Variants in CIMIP7 observed in about 807,000 individuals in gnomAD.
CIMIP7 encodes the protein ciliary microtubule inner protein 7.
At chr3:49,190,497 A>ATTT in the CIMIP7 span, among the ~76,000 whole-genome samples, 1 of 139,318 alleles carries the variant, frequency 7.2e-6, no homozygotes, top group Non-Finnish European at 1.6e-5. Context: ...TCTCTCCACA[A>ATTT]TTTTTTTTTT....
the CIMIP7 span, among the ~76,000 whole-genome samples, chr3:49,180,640 C>T: frequency 1.3e-5 from 2 of 149,956 alleles, no homozygotes; most frequent in African/African-American, 2.4e-5. Context: ...TTTAAGAGTT[C>T]CCTTTTTAGG....
the CIMIP7 span, chr3:49,177,681 G>A: frequency 6.2e-7 from 1 of 1,608,046 alleles, no homozygotes; most frequent in Admixed American, 1.7e-5. Flanking sequence ...GACACTCAGA[G>A]ACCCCAGCAT....
the CIMIP7 span, among the ~76,000 whole-genome samples, chr3:49,182,304 G>C: frequency 6.6e-6 from 1 of 152,172 alleles, no homozygotes; most frequent in Non-Finnish European, 1.5e-5. Flanking sequence ...TGTTTTGACA[G>C]GGCACTGATT....
the CIMIP7 span, among the ~76,000 whole-genome samples, chr3:49,179,180 A>T: frequency 6.6e-6 from 1 of 151,934 alleles, no homozygotes; most frequent in Non-Finnish European, 1.5e-5. Flanking sequence ...CTCATACCCC[A>T]CATTGAATAT....
the CIMIP7 span, among the ~76,000 whole-genome samples, chr3:49,180,135 G>T: frequency 6.6e-6 from 1 of 152,186 alleles, no homozygotes; most frequent in Non-Finnish European, 1.5e-5. Context: ...AATTAGCTGG[G>T]TGTGATGGTG....
the CIMIP7 span, chr3:49,178,186 C>T: frequency 1.2e-6 from 1 of 830,400 alleles, no homozygotes; most frequent in Non-Finnish European, 1.8e-6. Context: ...GCCTCCTTGG[C>T]CTGCCTCCCC....
the CIMIP7 span, among the ~76,000 whole-genome samples, chr3:49,183,318 T>C: frequency 6.6e-6 from 1 of 152,246 alleles, no homozygotes; most frequent in Non-Finnish European, 1.5e-5. Flanking sequence ...AACCAGATCA[T>C]TCATGCATTG....
chr3:49,190,881 C>G, the CIMIP7 span, among the ~76,000 whole-genome samples: 2 of 151,958 alleles, frequency 1.3e-5, no homozygotes, highest in Non-Finnish European at 2.9e-5. Context: ...GTTGGCCAGG[C>G]TGGTCTCGAA....
chr3:49,191,821 G>T, the CIMIP7 span: 1 of 1,524,878 alleles, frequency 6.6e-7, no homozygotes, highest in Non-Finnish European at 8.8e-7. Flanking sequence ...GTCTTTTGGA[G>T]GGTATCTTCA....
the CIMIP7 span, among the ~76,000 whole-genome samples, chr3:49,179,680 A>C: frequency 6.6e-6 from 1 of 152,154 alleles, no homozygotes; most frequent in South Asian, 2.1e-4. Context: ...TCACCTGCTA[A>C]CATACTATAT....
the CIMIP7 span, among the ~76,000 whole-genome samples, chr3:49,182,321 T>C: frequency 6.6e-6 from 1 of 152,140 alleles, no homozygotes; most frequent in Admixed American, 6.5e-5. Flanking sequence ...GATTGGTGCG[T>C]TTACAATCCC....
chr3:49,182,656 G>A, the CIMIP7 span, among the ~76,000 whole-genome samples: 12 of 152,340 alleles, frequency 7.9e-5, no homozygotes, highest in South Asian at 8.3e-4. Context: ...GTCCCGCGCC[G>A]TGTGCCCACA....
chr3:49,191,429 C>A, the CIMIP7 span, among the ~76,000 whole-genome samples: 6 of 152,200 alleles, frequency 3.9e-5, no homozygotes, highest in Non-Finnish European at 2.9e-5. Context: ...AAAATGTTCC[C>A]AGACTAGAGA....
the CIMIP7 span, among the ~76,000 whole-genome samples, chr3:49,190,436 C>T: frequency 6.6e-6 from 1 of 151,550 alleles, no homozygotes; most frequent in Non-Finnish European, 1.5e-5. Flanking sequence ...GGCCACTGAT[C>T]AGGGGTGTGG....
the CIMIP7 span, among the ~76,000 whole-genome samples, chr3:49,190,663 ATTTTTTT>A: frequency 6.7e-3 from 666 of 99,970 alleles, 4 homozygotes; most frequent in African/African-American, 0.026. Context: ...GCCAGGCTGA[ATTTTTTT>A]TTTTTTTTTT....
At chr3:49,181,797 T>C in the CIMIP7 span, among the ~76,000 whole-genome samples, 1 of 152,072 alleles carries the variant, frequency 6.6e-6, no homozygotes. Flanking sequence ...CACATGAAAA[T>C]GTGTCCGGAA....
At chr3:49,178,271 A>G in the CIMIP7 span, among the ~76,000 whole-genome samples, 2 of 152,198 alleles carry the variant, frequency 1.3e-5, no homozygotes, top group Non-Finnish European at 2.9e-5. Flanking sequence ...TTGTCTGGCA[A>G]GTTGGCAGAG....
chr3:49,180,229 T>C, the CIMIP7 span, among the ~76,000 whole-genome samples: 1 of 152,246 alleles, frequency 6.6e-6, no homozygotes, highest in African/African-American at 2.4e-5. Flanking sequence ...TGAGCTAAGA[T>C]TGAGCCACTG....
the CIMIP7 span, among the ~76,000 whole-genome samples, chr3:49,179,777 C>T: frequency 6.6e-6 from 1 of 152,238 alleles, no homozygotes; most frequent in Non-Finnish European, 1.5e-5. Flanking sequence ...GGCGGTCTGT[C>T]TTGCTCACAT....
Sources: gnomAD v4.1 joint callset for allele counts (sites outside exome capture counted in the v4.1 genomes callset) on GRCh38, gnomAD v4.1.1 for gene constraint, MANE v1.5 for transcripts, NCBI Gene and HGNC (gene_info 2026-07-23, HGNC 2026-07-21) for gene names.